CNTN6: variants seen among roughly 807,000 people sequenced by gnomAD.
CNTN6 encodes contactin-6.
Under a neutral mutation model 122.8 loss-of-function variants are expected in CNTN6, and 137 were observed. The observed-to-expected ratio is 1.12, with a 90% CI of 0.97 to 1.29. CNTN6 has a LOEUF of 1.29. Among genes scored for constraint, CNTN6 ranks in the 50% most tolerant of loss-of-function variants. The pLI is 0.00. For synonymous variants in CNTN6, 570 were observed against 426.0 expected, an observed-to-expected ratio of 1.34 and a Z score of -4.16; for missense variants, 1,634 against 1,223.4, an observed-to-expected ratio of 1.34 and a Z score of -5.01.
chr3:1,320,984 A>C (rs921851099), intron 7 of CNTN6, among the ~76,000 whole-genome samples: 7 of 151,630 alleles, frequency 4.6e-5, no homozygotes, highest in African/African-American at 1.7e-4. Context: ...CTGCGGTGTA[A>C]ATCCATCTTT....
chr3:1,107,255 C>T (rs765902892), intron 1 of CNTN6, among the ~76,000 whole-genome samples: 1 of 152,028 alleles, frequency 6.6e-6, no homozygotes, highest in Non-Finnish European at 1.5e-5. Context: ...GTATTTTTCA[C>T]ACAAAAGCCA....
intron 5 of CNTN6, among the ~76,000 whole-genome samples, chr3:1,279,445 G>A (rs572298632): frequency 2.0e-5 from 3 of 152,168 alleles, no homozygotes; most frequent in South Asian, 2.1e-4. Flanking sequence ...ACTTTAACAT[G>A]TATTAGATTC....
At chr3:1,208,499 C>G (rs2093988341) in intron 2 of CNTN6, among the ~76,000 whole-genome samples, 1 of 152,050 alleles carries the variant, frequency 6.6e-6, no homozygotes, top group African/African-American at 2.4e-5. Flanking sequence ...GAATTAATTG[C>G]TTCCTTCTCT....
chr3:1,276,327 G>T (rs938849699), intron 4 of CNTN6, among the ~76,000 whole-genome samples: 2 of 152,156 alleles, frequency 1.3e-5, no homozygotes, highest in Non-Finnish European at 2.9e-5. Context: ...ATGACACTAA[G>T]AATGTTCCGA....
chr3:1,361,879 T>TC (rs1707517528), intron 12 of CNTN6, among the ~76,000 whole-genome samples: 1 of 152,152 alleles, frequency 6.6e-6, no homozygotes, highest in Non-Finnish European at 1.5e-5. Flanking sequence ...CTGCTGTTTT[T>TC]CTTCTCAGAA....
intron 1 of CNTN6, among the ~76,000 whole-genome samples, chr3:1,124,908 T>C (rs1037856076): frequency 1.3e-5 from 2 of 151,956 alleles, no homozygotes; most frequent in Non-Finnish European, 2.9e-5. Context: ...TGTTAATTTC[T>C]ACAAGGTCTG....
intron 5 of CNTN6, among the ~76,000 whole-genome samples, chr3:1,288,187 T>C (rs552828033): frequency 2.1e-3 from 323 of 152,284 alleles, no homozygotes; most frequent in African/African-American, 7.4e-3. Context: ...ATGAGACCTT[T>C]ATTTAACTGT....
At chr3:1,094,295 C>T (rs1448322597) in intron 1 of CNTN6, among the ~76,000 whole-genome samples, 2 of 152,078 alleles carry the variant, frequency 1.3e-5, no homozygotes, top group South Asian at 2.1e-4. Flanking sequence ...CATGTGTAAA[C>T]ATACGCATGT....
At chr3:1,302,608 G>T (rs538784663) in intron 7 of CNTN6, among the ~76,000 whole-genome samples, 4 of 152,216 alleles carry the variant, frequency 2.6e-5, no homozygotes, top group Non-Finnish European at 5.9e-5. Context: ...TAGGTCATAA[G>T]AGAGCTTCTG....
At chr3:1,123,127 C>G (rs1223273383) in intron 1 of CNTN6, among the ~76,000 whole-genome samples, 1 of 151,780 alleles carries the variant, frequency 6.6e-6, no homozygotes, top group Non-Finnish European at 1.5e-5. Flanking sequence ...GCTATTCAGG[C>G]CCTTGCAATT....
At position 1,141,242 on chromosome 3, in the gene CNTN6, G is replaced by A. The variant is rs992877942; in HGVS notation, c.-82-6685G>A. Among the ~76,000 whole-genome samples the A allele has an allele frequency of 2.6e-5, 4 of 152,180 alleles. No individual in the cohort carries two copies. The South Asian group carries it at 8.3e-4, about 32-fold the overall frequency. On this transcript the variant is annotated intron_variant, in intron 1 of 22. Transcript: ENST00000446702. Reference sequence around the variant, plus strand: ...TTTAATTTATCTGGTGTAATTAACTGGTCAACTAAAAACAAAAGGGCAATT... The same window carrying A: ...TTTAATTTATCTGGTGTAATTAACTAGTCAACTAAAAACAAAAGGGCAATT...
intron 21 of CNTN6, 53 bp downstream of exon 21, chr3:1,401,598 A>C (rs1418073305): frequency 8.2e-7 from 1 of 1,214,908 alleles, no homozygotes; most frequent in East Asian, 2.5e-5. Context: ...TAAGGAATGA[A>C]ACATGTGACA....
At chr3:1,362,238 CACTT>C (rs896711411) in intron 12 of CNTN6, among the ~76,000 whole-genome samples, 23 of 151,904 alleles carry the variant, frequency 1.5e-4, no homozygotes, top group African/African-American at 5.3e-4. Flanking sequence ...ACTATAAAAT[CACTT>C]ACATTTTTGA....
chr3:1,233,671 G>C (rs6783671), intron 4 of CNTN6, among the ~76,000 whole-genome samples: 2,668 of 139,784 alleles, frequency 0.019, 80 homozygotes, highest in African/African-American at 0.064. Context: ...GGAGGCAGAG[G>C]TTGCAGTGAG....
chr3:1,233,311 G>GT (rs2094376543), intron 4 of CNTN6, among the ~76,000 whole-genome samples: 2 of 152,294 alleles, frequency 1.3e-5, no homozygotes, highest in South Asian at 4.1e-4. Flanking sequence ...ACTGGTATGA[G>GT]TTGAAGATGG....
intron 5 of CNTN6, among the ~76,000 whole-genome samples, chr3:1,285,220 C>T (rs1185923879): frequency 6.6e-6 from 1 of 152,002 alleles, no homozygotes. Flanking sequence ...AAAATAATTT[C>T]CTGAAAGATT....
chr3:1,268,205 A>C (rs949237203), intron 4 of CNTN6, among the ~76,000 whole-genome samples: 14 of 152,190 alleles, frequency 9.2e-5, no homozygotes, highest in Non-Finnish European at 1.9e-4. Flanking sequence ...ATGTCCACCC[A>C]AGAGGTCACT....
chr3:1,226,315 C>A (rs2094283135), intron 3 of CNTN6, among the ~76,000 whole-genome samples: 1 of 152,176 alleles, frequency 6.6e-6, no homozygotes, highest in South Asian at 2.1e-4. Context: ...AGTTTGGAAA[C>A]TGGCTATATT....
chr3:1,187,474 A>G (rs892705152), intron 2 of CNTN6, among the ~76,000 whole-genome samples: 6 of 152,120 alleles, frequency 3.9e-5, no homozygotes, highest in African/African-American at 1.4e-4. Context: ...TCAGGCTACA[A>G]AGGCTTCATT....
Sources: allele counts gnomAD v4.1 joint callset (sites outside exome capture counted in the v4.1 genomes callset), GRCh38; gene constraint gnomAD v4.1.1; transcripts MANE v1.5; gene names NCBI Gene and HGNC (gene_info 2026-07-23, HGNC 2026-07-21).